Variants in CMTM4 observed in about 807,000 individuals in gnomAD.
CMTM4 encodes CKLF like MARVEL transmembrane domain containing 4, also known as CKLF-like MARVEL transmembrane domain-containing protein 4.
In CMTM4, 8 loss-of-function variants were observed where a neutral mutation model predicts 19.0. That is an observed-to-expected ratio of 0.42 (90% CI 0.25 to 0.76). CMTM4 has a LOEUF of 0.76. Ranked by LOEUF, CMTM4 falls within the 30% of genes least tolerant of loss-of-function variation. The probability of loss-of-function intolerance (pLI) is 0.27; values close to 1 mark genes in which losing one functional copy is unlikely to be tolerated. For synonymous variants in CMTM4, 106 were observed against 121.1 expected (o/e 0.88, Z 0.82); for missense variants, 228 against 290.2 (o/e 0.79, Z 1.56).
chr16:66,617,201 T>TA lies in CMTM4; in HGVS notation c.*4856dup, dbSNP rs971332773. The TA allele has an allele frequency of 6.9e-7, 1 of 1,455,824 alleles. No homozygotes were observed. The highest frequency in any genetic ancestry group is 9.5e-7 in the Non-Finnish European group (1 of 1,055,546). The allele number at this position is 1,455,824 out of a possible 1,614,324, so 90.2% of individuals were successfully genotyped here. A position where few individuals can be genotyped will look rare whatever the true frequency, so the allele number is the denominator to read the frequency against. On this transcript the variant is annotated 3_prime_UTR_variant, in exon 4 of 4. Coordinates refer to ENST00000394106, the MANE Select transcript of CMTM4 (RefSeq NM_181521.3). ...AGTCACCTGAATTAAAGCCTCAGCA[T>TA]AAAAAAACAAACATAGACAACAAAC...
At chr16:66,690,074 T>C (rs1485792953) in intron 1 of CMTM4, among the ~76,000 whole-genome samples, 1 of 152,202 alleles carries the variant, frequency 6.6e-6, no homozygotes, top group Non-Finnish European at 1.5e-5. Flanking sequence ...CTCCAAGTCC[T>C]TGATCAGGAA....
At chr16:66,671,636 A>AC (rs2016709327) in intron 1 of CMTM4, among the ~76,000 whole-genome samples, 1 of 152,188 alleles carries the variant, frequency 6.6e-6, no homozygotes, top group Non-Finnish European at 1.5e-5. Flanking sequence ...TCCTTAGCAC[A>AC]CAAGAGGAGT....
At chr16:66,686,372 G>A (rs928491633) in intron 1 of CMTM4, among the ~76,000 whole-genome samples, 3 of 151,534 alleles carry the variant, frequency 2.0e-5, no homozygotes, top group African/African-American at 7.3e-5. Context: ...GACCAGCCTG[G>A]CCAACATGGG....
the CMTM4 span, among the ~76,000 whole-genome samples, chr16:66,607,092 G>T: frequency 6.6e-6 from 1 of 152,324 alleles, no homozygotes; most frequent in East Asian, 1.9e-4. Flanking sequence ...CTTCTCATCT[G>T]TCAAGTGGGG....
At chr16:66,663,865 T>G (rs2016544932) in intron 1 of CMTM4, among the ~76,000 whole-genome samples, 1 of 152,154 alleles carries the variant, frequency 6.6e-6, no homozygotes, top group Non-Finnish European at 1.5e-5. Context: ...TATCTTCTAT[T>G]TCTTAGCTGA....
chr16:66,662,436 A>AAGT (rs2016514673), intron 1 of CMTM4, among the ~76,000 whole-genome samples: 2 of 152,176 alleles, frequency 1.3e-5, no homozygotes, highest in Admixed American at 1.3e-4. Flanking sequence ...CTGGCCAGAA[A>AAGT]AGTAGACAGG....
intron 1 of CMTM4, among the ~76,000 whole-genome samples, chr16:66,661,657 C>T (rs747567727): frequency 2.2e-4 from 33 of 152,132 alleles, no homozygotes; most frequent in Admixed American, 6.6e-5. Context: ...AGGCCGGGCA[C>T]GGTGGCTCAC....
the CMTM4 span, chr16:66,609,384 A>G: frequency 3.1e-5 from 48 of 1,530,924 alleles, 1 homozygote; most frequent in South Asian, 4.5e-4. The surrounding 1 kb of genome is among the most constrained non-coding windows in gnomAD (Gnocchi z 4.4). Context: ...CCTCCTCCCC[A>G]TGCTGTGCTC....
intron 2 of CMTM4, among the ~76,000 whole-genome samples, chr16:66,632,801 C>T (rs1480528296): frequency 6.6e-6 from 1 of 151,994 alleles, no homozygotes; most frequent in Non-Finnish European, 1.5e-5. Flanking sequence ...AAACAAATAT[C>T]GCCAGGCACG....
intron 2 of CMTM4, among the ~76,000 whole-genome samples, chr16:66,627,933 A>C (rs978074282): frequency 3.3e-5 from 5 of 152,216 alleles, no homozygotes; most frequent in Non-Finnish European, 5.9e-5. Context: ...TATCTCAGCA[A>C]GAGGAATGCG....
At chr16:66,611,853 A>G (rs927608684), downstream of CMTM4, among the ~76,000 whole-genome samples, 1 of 151,850 alleles carries the variant, frequency 6.6e-6, no homozygotes, top group African/African-American at 2.4e-5. Flanking sequence ...GGGGAGGGGG[A>G]TTGAAGATAT....
At chr16:66,604,969 C>T in the CMTM4 span, 2 of 1,482,094 alleles carry the variant, frequency 1.3e-6, no homozygotes, top group Non-Finnish European at 1.8e-6. Context: ...GCGGCGGGAC[C>T]CTCGGCCGCC....
At chr16:66,676,153 T>C (rs1312349001) in intron 1 of CMTM4, among the ~76,000 whole-genome samples, 1 of 152,216 alleles carries the variant, frequency 6.6e-6, no homozygotes, top group African/African-American at 2.4e-5. Flanking sequence ...TTTGTTGCAA[T>C]ACAAACTTTG....
intron 1 of CMTM4, among the ~76,000 whole-genome samples, chr16:66,665,423 GA>G (rs1285245959): frequency 6.6e-6 from 1 of 151,660 alleles, no homozygotes; most frequent in African/African-American, 2.4e-5. Flanking sequence ...TAATCCATGA[GA>G]AAAAAAATGG....
chr16:66,618,137 G>A lies in CMTM4; in HGVS notation c.*3921C>T. 11 of 985,444 alleles carry A rather than the reference G, an allele frequency of 1.1e-5. No homozygotes were observed. Among genetic ancestry groups the A allele is most frequent in the Non-Finnish European group, 1.3e-5 (11 of 829,952 alleles). The allele number at this position is 985,444 out of a possible 1,614,324, so 61.0% of individuals were successfully genotyped here. On this transcript the variant is annotated 3_prime_UTR_variant, in exon 4 of 4. Transcript: ENST00000394106. ...ACCCTGGATTCTGCAACTTCACTAG[G>A]AAATAACAAGGCACCTAGAGACTTC...
At chr16:66,675,103 C>CA (rs2144889899) in intron 1 of CMTM4, among the ~76,000 whole-genome samples, 1 of 147,048 alleles carries the variant, frequency 6.8e-6, no homozygotes, top group East Asian at 2.0e-4. Context: ...TTTTTTGAGA[C>CA]AGAGTCTCAC....
At chr16:66,632,788 G>C (rs1055280239) in intron 2 of CMTM4, among the ~76,000 whole-genome samples, 1 of 152,066 alleles carries the variant, frequency 6.6e-6, no homozygotes, top group East Asian at 1.9e-4. Context: ...AGGACACAGA[G>C]AAAAACAAAT....
intron 2 of CMTM4, among the ~76,000 whole-genome samples, chr16:66,633,442 C>G (rs764544313): frequency 6.6e-6 from 1 of 152,044 alleles, no homozygotes; most frequent in African/African-American, 2.4e-5. Context: ...CCTTCTGTAG[C>G]GAGTTGATGA....
chr16:66,689,924 T>G (rs1262014946), intron 1 of CMTM4, among the ~76,000 whole-genome samples: 5 of 151,358 alleles, frequency 3.3e-5, no homozygotes, highest in African/African-American at 1.2e-4. Flanking sequence ...TGAACTGTCT[T>G]TGTGTGGTTT....
Sources: allele counts gnomAD v4.1 joint callset (sites outside exome capture counted in the v4.1 genomes callset), GRCh38; gene constraint gnomAD v4.1.1; non-coding constraint Gnocchi (gnomAD v3.1); transcripts MANE v1.5; gene names NCBI Gene and HGNC (gene_info 2026-07-23, HGNC 2026-07-21).